ABLIM3: variants seen among roughly 807,000 people sequenced by gnomAD.
The protein encoded by ABLIM3 is actin-binding LIM protein 3.
ABLIM3 carries 61 observed loss-of-function variants against 109.5 expected under a neutral mutation model. The observed-to-expected ratio is 0.56, with a 90% confidence interval of 0.45 to 0.69. The LOEUF is 0.69. Ranked by LOEUF, ABLIM3 falls within the 30% of genes least tolerant of loss-of-function variation. The pLI, the probability that ABLIM3 is intolerant of heterozygous loss-of-function variation, is 0.00. For synonymous variants in ABLIM3, 300 were observed against 324.8 expected, an observed-to-expected ratio of 0.92 and a Z score of 0.82; for missense variants, 796 against 889.5, an observed-to-expected ratio of 0.89 and a Z score of 1.34.
At chr5:149,185,619 GA>G (rs1329839184) in intron 3 of ABLIM3, among the ~76,000 whole-genome samples, 3 of 152,118 alleles carry the variant, frequency 2.0e-5, no homozygotes, top group African/African-American at 7.2e-5. Context: ...ATTTTAAGGG[GA>G]AAAAAATAGA....
intron 2 of ABLIM3, among the ~76,000 whole-genome samples, chr5:149,169,385 C>G (rs1239760165): frequency 6.6e-6 from 1 of 152,034 alleles, no homozygotes; most frequent in Admixed American, 6.5e-5. Context: ...GGCTGCAGTT[C>G]CAGCATCACA....
intron 6 of ABLIM3, among the ~76,000 whole-genome samples, chr5:149,208,580 C>T (rs960312225): frequency 2.6e-5 from 4 of 152,156 alleles, no homozygotes; most frequent in African/African-American, 9.7e-5. Context: ...TTCCCAGGAA[C>T]TCCAGCAAAA....
chr5:149,186,322 G>T (rs955390862), intron 3 of ABLIM3, among the ~76,000 whole-genome samples: 2 of 152,116 alleles, frequency 1.3e-5, no homozygotes, highest in Non-Finnish European at 2.9e-5. Flanking sequence ...GCTGAGACAG[G>T]AGAATCGCTT....
chr5:149,242,698 A>C (rs184038090), intron 15 of ABLIM3, 160 bp downstream of exon 15: 1 of 745,300 alleles, frequency 1.3e-6, no homozygotes. Flanking sequence ...ACATTAGGGC[A>C]GAGTTTGGTA....
intron 23 of ABLIM3, among the ~76,000 whole-genome samples, chr5:149,256,761 G>A (rs1754461131): frequency 6.6e-6 from 1 of 152,190 alleles, no homozygotes; most frequent in Admixed American, 6.5e-5. Context: ...AAGCAAATGT[G>A]GAAAACCTCA....
chr5:149,197,807 G>A (rs1396788822), intron 3 of ABLIM3, among the ~76,000 whole-genome samples: 1 of 152,226 alleles, frequency 6.6e-6, no homozygotes, highest in African/African-American at 2.4e-5. Flanking sequence ...TTTCATTCAT[G>A]TATTGGGAGG....
chr5:149,214,188 A>G (rs1759828751), intron 7 of ABLIM3, among the ~76,000 whole-genome samples: 1 of 152,186 alleles, frequency 6.6e-6, no homozygotes, highest in Non-Finnish European at 1.5e-5. Context: ...GTTAGTCAAG[A>G]CTTTTTGGGC....
Position 149,258,273 on chromosome 5 carries a change from C to T in ABLIM3, c.1939-18C>T. 2 of 1,611,174 alleles carry T rather than the reference C, an allele frequency of 1.2e-6. No individual in the cohort carries two copies. The highest frequency in any genetic ancestry group is 8.5e-7 in the Non-Finnish European group (1 of 1,178,452). On this transcript the variant is annotated intron_variant, in intron 23 of 23. Transcript: ENST00000309868. Reference sequence around the variant, plus strand: ...TCTTTCTCTGTCCCCCCACCCCCGCCTGCCCTGCCTCCTTCAGCGCCACCT... The same window carrying T: ...TCTTTCTCTGTCCCCCCACCCCCGCTTGCCCTGCCTCCTTCAGCGCCACCT...
chr5:149,224,154 T>C (rs1220857949), intron 8 of ABLIM3, among the ~76,000 whole-genome samples: 2 of 152,176 alleles, frequency 1.3e-5, no homozygotes, highest in Non-Finnish European at 2.9e-5. Context: ...CAAGGCCTGG[T>C]ATCGACACTC....
chr5:149,233,216 A>C lies in ABLIM3; in HGVS notation c.817-13A>C. On this transcript the variant is annotated splice_polypyrimidine_tract_variant and intron_variant, in intron 9 of 23. Transcript: ENST00000309868. The stretch of plus-strand genomic sequence containing the variant: ...GCAGCTTCTCACCTTTTCTGTCTTC[A>C]TCTCTCTCACAGCATAGACGGACAT... 4 of 1,613,908 alleles carry C rather than the reference A, an allele frequency of 2.5e-6. No individual in the cohort carries two copies. The highest frequency in any genetic ancestry group is 3.4e-6 in the Non-Finnish European group (4 of 1,179,856).
intron 7 of ABLIM3, among the ~76,000 whole-genome samples, chr5:149,215,210 A>T (rs923045480): frequency 3.3e-5 from 5 of 152,164 alleles, no homozygotes; most frequent in Non-Finnish European, 5.9e-5. Flanking sequence ...TGATAAAGAG[A>T]CACAGAGTAG....
intron 3 of ABLIM3, among the ~76,000 whole-genome samples, chr5:149,188,194 A>G (rs538129789): frequency 3.9e-5 from 6 of 152,332 alleles, no homozygotes; most frequent in Non-Finnish European, 5.9e-5. Flanking sequence ...ATGAAATAAA[A>G]GGCATCCAGA....
intron 2 of ABLIM3, among the ~76,000 whole-genome samples, chr5:149,173,345 G>A (rs182238080): frequency 6.6e-6 from 1 of 152,352 alleles, no homozygotes; most frequent in East Asian, 1.9e-4. Context: ...AGAATGGAGG[G>A]TGCTTGCAAC....
chr5:149,146,568 G>C (rs1345022587), intron 2 of ABLIM3, among the ~76,000 whole-genome samples: 1 of 152,188 alleles, frequency 6.6e-6, no homozygotes, highest in Non-Finnish European at 1.5e-5. Flanking sequence ...TTATTGAATA[G>C]GGAGTCTTTA....
intron 2 of ABLIM3, among the ~76,000 whole-genome samples, chr5:149,171,766 C>A (rs1350118257): frequency 6.6e-6 from 1 of 152,214 alleles, no homozygotes; most frequent in Non-Finnish European, 1.5e-5. Flanking sequence ...TGACAGACAT[C>A]CTTGAGGCTT....
chr5:149,225,976 GTGTGTGTATATATATA>G (rs1469042788), intron 8 of ABLIM3, among the ~76,000 whole-genome samples: 199 of 38,496 alleles, frequency 5.2e-3, no homozygotes, highest in African/African-American at 0.012. Context: ...GTGTGTGTGT[GTGTGTGTATATATATA>G]TATATATATA....
At chr5:149,222,661 CTTTTT>C (rs552243427) in intron 8 of ABLIM3, among the ~76,000 whole-genome samples, 11 of 124,422 alleles carry the variant, frequency 8.8e-5, no homozygotes, top group Admixed American at 5.7e-4. Flanking sequence ...TTTCAGATTA[CTTTTT>C]TTTTTTTTTT....
chr5:149,237,497 C>A lies in ABLIM3; in HGVS notation c.938C>A (p.Pro313His). 1 of 1,614,162 alleles carries A rather than the reference C, an allele frequency of 6.2e-7. No individual in the cohort carries two copies. Among genetic ancestry groups the A allele is most frequent in the Non-Finnish European group, 8.5e-7 (1 of 1,180,040 alleles). ...ILNYKDLAAL[P>H]KVKSIYEVQR... ...AATTACAAAGACCTGGCGGCTCTCC[C>A]CAAGGTTAAGTCTATCTACGAGGTA... is the stretch of plus-strand genomic sequence containing the variant. The change falls in exon 11 of 24, where the codon CCC (proline) becomes CAC (histidine). Residue 313 changes from proline to histidine, a missense_variant. Transcript: ENST00000309868.
chr5:149,259,729 G>A lies in ABLIM3; in HGVS notation c.*1325G>A. 3.6e-6 allele frequency: 3 copies of A among 843,876 alleles called. No individual in the cohort carries two copies. The highest frequency in any genetic ancestry group is 2.7e-5 in the East Asian group (1 of 37,214). The allele number at this position is 843,876 out of a possible 1,614,324, so 52.3% of individuals were successfully genotyped here. The stretch of plus-strand genomic sequence containing the variant: ...ACCTTGAATGGGTAATGTTTGGTGG[G>A]GGCTGTTCCTTCTTGGAGAAGCCTT... On this transcript the variant is annotated 3_prime_UTR_variant, in exon 24 of 24. Transcript: ENST00000309868.
Sources: allele counts gnomAD v4.1 joint callset (sites outside exome capture counted in the v4.1 genomes callset), GRCh38; gene constraint gnomAD v4.1.1; transcripts MANE v1.5; gene names NCBI Gene and HGNC (gene_info 2026-07-23, HGNC 2026-07-21).